SYNGR1: variants seen among roughly 807,000 people sequenced by gnomAD.
The protein encoded by SYNGR1 is synaptogyrin-1.
SYNGR1 carries 14 observed loss-of-function variants against 26.1 expected under a neutral mutation model. That is an observed-to-expected ratio of 0.54 (90% confidence interval 0.35 to 0.84). The LOEUF (loss-of-function observed/expected upper bound fraction) is 0.84. Ranked by LOEUF, SYNGR1 falls within the 40% of genes least tolerant of loss-of-function variation. The probability of loss-of-function intolerance (pLI) is 0.01; values close to 1 mark genes in which losing one functional copy is unlikely to be tolerated. For synonymous variants in SYNGR1, 141 were observed against 150.1 expected, an observed-to-expected ratio of 0.94 and a Z score of 0.44; for missense variants, 319 against 332.9, an observed-to-expected ratio of 0.96 and a Z score of 0.33.
rs544400198 is a variant in SYNGR1 at position 39,368,815 on chromosome 22, A to G, written c.100-5501A>G. On this transcript the variant is annotated intron_variant, in intron 1 of 3. Transcript: ENST00000328933. ...AGTGGGGTCTCCTCCAGCCCCCGGAAGCATGTGTCTGTTAGTAAGTGTTCG... is the reference window on the plus strand; with the variant it reads ...AGTGGGGTCTCCTCCAGCCCCCGGAGGCATGTGTCTGTTAGTAAGTGTTCG... Among the ~76,000 whole-genome samples the G allele has an allele frequency of 1.6e-4, 24 of 152,324 alleles. No homozygotes were observed. In the South Asian group the frequency reaches 3.9e-3, roughly 25 times the overall value.
chr22:39,382,251 T>C lies in SYNGR1; in HGVS notation c.*337T>C, dbSNP rs773296568. 9.1e-6 allele frequency: 4 copies of C among 438,154 alleles called. No homozygotes were observed. The highest frequency in any genetic ancestry group is 1.7e-5 in the Non-Finnish European group (4 of 235,276). 27.1% of individuals were successfully genotyped at this position (438,154 alleles called of 1,614,324 possible). On this transcript the variant is annotated 3_prime_UTR_variant, in exon 4 of 4. Transcript: ENST00000328933. ...TGGTGACATTGGCAGAAATGGCCACTGGAAAGGGGAGCGATGAGCTGTGGA... is the reference window on the plus strand; with the variant it reads ...TGGTGACATTGGCAGAAATGGCCACCGGAAAGGGGAGCGATGAGCTGTGGA...
chr22:39,369,822 A>G lies in SYNGR1; in HGVS notation c.100-4494A>G, dbSNP rs143238412. Among the ~76,000 whole-genome samples, 93 of 152,310 alleles carry G rather than the reference A, an allele frequency of 6.1e-4. 4 individuals are homozygous for G. The East Asian group carries it at 0.017, about 28-fold the overall frequency. ...TCTCATGGTCATGGGGTTTTCCCAA[A>G]TCAGGACTGGCAAATGGTGGCTCAC... On this transcript the variant is annotated intron_variant, in intron 1 of 3. Transcript: ENST00000328933.
intron 1 of SYNGR1, among the ~76,000 whole-genome samples, chr22:39,363,850 C>T (rs73887482): frequency 0.063 from 9,605 of 152,078 alleles, 992 homozygotes; most frequent in African/African-American, 0.22. Flanking sequence ...CTGCGCAGGG[C>T]GAGGTAGACG....
chr22:39,357,978 A>C (rs978254952), intron 1 of SYNGR1, among the ~76,000 whole-genome samples: 86 of 152,378 alleles, frequency 5.6e-4, no homozygotes, highest in African/African-American at 2.0e-3. Context: ...AGGGCTGAGG[A>C]GTGCGAGCGC....
At position 39,382,225 on chromosome 22, in the gene SYNGR1, G is replaced by A. The variant is rs1439244228; in HGVS notation, c.*311G>A. ...GGCATCCGGCCTGTGCTGGGCATGGGTGGTGACATTGGCAGAAATGGCCAC... is the reference window on the plus strand; with the variant it reads ...GGCATCCGGCCTGTGCTGGGCATGGATGGTGACATTGGCAGAAATGGCCAC... On this transcript the variant is annotated 3_prime_UTR_variant, in exon 4 of 4. Transcript: ENST00000328933. 3 of 492,288 alleles carry A rather than the reference G, an allele frequency of 6.1e-6. No homozygotes were observed. The highest frequency in any genetic ancestry group is 1.1e-5 in the Non-Finnish European group (3 of 268,982). The allele number at this position is 492,288 out of a possible 1,614,324, so 30.5% of individuals were successfully genotyped here.
intron 1 of SYNGR1, among the ~76,000 whole-genome samples, chr22:39,351,099 G>A (rs1923886087): frequency 6.6e-6 from 1 of 152,196 alleles, no homozygotes; most frequent in African/African-American, 2.4e-5. Flanking sequence ...GGGGTCTGGA[G>A]AGGGGGTTTC....
intron 1 of SYNGR1, among the ~76,000 whole-genome samples, chr22:39,357,905 G>T (rs1028704015): frequency 6.6e-6 from 1 of 152,250 alleles, no homozygotes; most frequent in Non-Finnish European, 1.5e-5. Flanking sequence ...CTCCTGTGCG[G>T]CCCGAGCCTC....
rs1925587612 is a variant in SYNGR1, at chr22:39,384,154, GA to G, written c.*2241del. On this transcript the variant is annotated 3_prime_UTR_variant, in exon 4 of 4. Coordinates refer to ENST00000328933, the MANE Select transcript of SYNGR1 (RefSeq NM_004711.5). Reference sequence around the variant, plus strand: ...TTCTGTGCCCACCACAAGAGGCTGTGAGATGTTCTGACCCTCACCCACTGTC... The same window carrying G: ...TTCTGTGCCCACCACAAGAGGCTGTGGATGTTCTGACCCTCACCCACTGTC... The G allele has an allele frequency of 5.3e-6, 1 of 189,790 alleles. No individual in the cohort carries two copies. Among genetic ancestry groups the G allele is most frequent in the Admixed American group, 6.1e-5 (1 of 16,288 alleles). The allele number at this position is 189,790 out of a possible 1,614,324, so 11.8% of individuals were successfully genotyped here.
At chr22:39,381,655 C>CCCTCCCGCCTGTCCTTGT in intron 3 of SYNGR1, 41 bp from the exon 4 acceptor site, 3 of 1,608,004 alleles carry the variant, frequency 1.9e-6, no homozygotes, top group Non-Finnish European at 1.7e-6. Context: ...CCTAACCACC[C>CCCTCCCGCCTGTCCTTGT]CCTCCCGCCT....
chr22:39,364,812 G>C (rs918641648), intron 1 of SYNGR1, among the ~76,000 whole-genome samples: 2 of 152,148 alleles, frequency 1.3e-5, no homozygotes, highest in African/African-American at 4.8e-5. Flanking sequence ...GTTTCTATGT[G>C]TCTCTGAATC....
intron 1 of SYNGR1, among the ~76,000 whole-genome samples, chr22:39,373,639 A>C (rs1925135697): frequency 1.3e-5 from 2 of 150,694 alleles, no homozygotes; most frequent in South Asian, 4.2e-4. Context: ...GCACCACCAT[A>C]CCTGGGTAAT....
intron 1 of SYNGR1, among the ~76,000 whole-genome samples, chr22:39,362,313 A>G (rs543666568): frequency 6.6e-6 from 1 of 151,910 alleles, no homozygotes; most frequent in Non-Finnish European, 1.5e-5. Context: ...TGCCCAGCGG[A>G]GTCCACTCCA....
intron 1 of SYNGR1, chr22:39,364,094 C>T: frequency 1.3e-6 from 2 of 1,593,846 alleles, no homozygotes; most frequent in Admixed American, 3.5e-5. Context: ...GGTGGTCTGT[C>T]TGCAGAGGGG....
intron 2 of SYNGR1, 155 bp from the exon 3 acceptor site, chr22:39,375,896 TC>T (rs1422377306): frequency 2.0e-6 from 2 of 985,014 alleles, no homozygotes; most frequent in Non-Finnish European, 3.3e-6. Context: ...CCCTCTCTCT[TC>T]CCCTACCCCC....
chr22:39,351,045 G>A (rs2267407), intron 1 of SYNGR1, among the ~76,000 whole-genome samples: 33,840 of 152,124 alleles, frequency 0.22, 5,279 homozygotes, highest in East Asian at 0.77. Context: ...CAGAGGGAGG[G>A]GTTCAGGTGC....
chr22:39,381,978 C>T lies in SYNGR1; in HGVS notation c.*64C>T, dbSNP rs1925516032. 1.3e-6 allele frequency: 2 copies of T among 1,520,140 alleles called. No homozygotes were observed. The highest frequency in any genetic ancestry group is 1.8e-6 in the Non-Finnish European group (2 of 1,126,466). The allele number at this position is 1,520,140 out of a possible 1,614,324, so 94.2% of individuals were successfully genotyped here. On this transcript the variant is annotated 3_prime_UTR_variant, in exon 4 of 4. Transcript: ENST00000328933. ...CCCCTCTCTCCACACCCAGCCCCTGCTCCTGCCCAGGCTGCCCTGCCCAGC... is the reference window on the plus strand; with the variant it reads ...CCCCTCTCTCCACACCCAGCCCCTGTTCCTGCCCAGGCTGCCCTGCCCAGC...
chr22:39,357,209 T>C (rs1397070387), intron 1 of SYNGR1, among the ~76,000 whole-genome samples: 1 of 151,630 alleles, frequency 6.6e-6, no homozygotes, highest in Admixed American at 6.6e-5. Flanking sequence ...GAGGTTGCAG[T>C]GAGCCAAGAT....
At chr22:39,377,946 C>G in intron 3 of SYNGR1, 1 of 1,312,600 alleles carries the variant, frequency 7.6e-7, no homozygotes, top group African/African-American at 1.5e-5. Context: ...TAGGTGGGGT[C>G]CTTGGCTCCA....
chr22:39,356,397 C>T (rs977374084), intron 1 of SYNGR1, among the ~76,000 whole-genome samples: 3 of 152,112 alleles, frequency 2.0e-5, no homozygotes, highest in Admixed American at 6.5e-5. Flanking sequence ...TGCTGTGGTG[C>T]GTTTTGTTAT....
Sources: gnomAD v4.1 joint callset for allele counts (sites outside exome capture counted in the v4.1 genomes callset) on GRCh38, gnomAD v4.1.1 for gene constraint, MANE v1.5 for transcripts, NCBI Gene and HGNC (gene_info 2026-07-23, HGNC 2026-07-21) for gene names.